Variants in MED1 observed in about 807,000 individuals in gnomAD.
MED1 encodes the protein mediator complex subunit 1, also known as mediator of RNA polymerase II transcription subunit 1.
MED1 carries 17 observed loss-of-function variants against 121.3 expected under a neutral mutation model. The observed-to-expected ratio is 0.14, with a 90% CI of 0.10 to 0.21. MED1 has a LOEUF of 0.21. Ranked by LOEUF, MED1 falls within the 10% of genes least tolerant of loss-of-function variation. MED1 has a pLI of 1.00. For missense variants in MED1, 1,558 were observed against 1,919.4 expected, an observed-to-expected ratio of 0.81 and a Z score of 3.52; for synonymous variants, 661 against 694.4, an observed-to-expected ratio of 0.95 and a Z score of 0.76.
At position 39,407,351 on chromosome 17, in the gene MED1, G is replaced by T; in HGVS notation, c.*124C>A. The T allele has an allele frequency of 2.1e-6, 3 of 1,430,982 alleles. No homozygotes were observed. The highest frequency in any genetic ancestry group is 2.7e-6 in the Non-Finnish European group (3 of 1,096,106). The allele number at this position is 1,430,982 out of a possible 1,614,324, so 88.6% of individuals were successfully genotyped here. A position where few individuals can be genotyped will look rare whatever the true frequency, so the allele number is the denominator to read the frequency against. ...CTAATTCACCCAGCTTGATGTCAAA[G>T]CCATGCCATTTAGGATTCTTAACCA... On this transcript the variant is annotated 3_prime_UTR_variant, in exon 17 of 17. Transcript: ENST00000300651.
intron 14 of MED1, among the ~76,000 whole-genome samples, chr17:39,419,443 T>C (rs1472975611): frequency 2.0e-5 from 3 of 151,266 alleles, no homozygotes; most frequent in Non-Finnish European, 4.4e-5. Flanking sequence ...AGTCTTGCTC[T>C]GTCACCCAGG....
Position 39,405,251 on chromosome 17 carries a change from C to T in MED1, c.*2224G>A. ...GATGCTGGGTCAGTGTGGGGGTGAG[C>T]CCATCGACAATTCAGGGGCTTATCC... is the stretch of plus-strand genomic sequence containing the variant. On this transcript the variant is annotated 3_prime_UTR_variant, in exon 17 of 17. Transcript: ENST00000300651. 1 of 1,599,006 alleles carries T rather than the reference C, an allele frequency of 6.3e-7. No individual in the cohort carries two copies. Among genetic ancestry groups the T allele is most frequent in the Non-Finnish European group, 8.5e-7 (1 of 1,173,110 alleles).
chr17:39,427,689 T>TTA lies in MED1; in HGVS notation c.739+10_739+11dup, dbSNP rs1314980108. On this transcript the variant is annotated intron_variant, in intron 10 of 16. Transcript: ENST00000300651. ...AACAAAACCTTTAATTCCTTTACAA[T>TTA]TAAAGTCTTACCATTATTCTCATGC... The TTA allele has an allele frequency of 1.3e-6, 2 of 1,561,358 alleles. No homozygotes were observed. The highest frequency in any genetic ancestry group is 8.8e-7 in the Non-Finnish European group (1 of 1,136,674).
intron 14 of MED1, among the ~76,000 whole-genome samples, 179 bp from the exon 15 acceptor site, chr17:39,415,518 T>TA (rs914058348): frequency 2.0e-5 from 3 of 149,556 alleles, no homozygotes; most frequent in Admixed American, 2.0e-4. Flanking sequence ...CACTAAAAAA[T>TA]AAAAAAAAGA....
At chr17:39,426,831 G>A (rs1350775038) in intron 10 of MED1, among the ~76,000 whole-genome samples, 1 of 152,038 alleles carries the variant, frequency 6.6e-6, no homozygotes, top group East Asian at 1.9e-4. Flanking sequence ...ACCGCGCCCG[G>A]CAGTCTATCT....
chr17:39,428,018 A>G (rs1315828715), intron 9 of MED1, among the ~76,000 whole-genome samples: 1 of 151,960 alleles, frequency 6.6e-6, no homozygotes, highest in Non-Finnish European at 1.5e-5. Context: ...GGAGTTTGAG[A>G]CTAGCATGGT....
intron 13 of MED1, among the ~76,000 whole-genome samples, chr17:39,420,773 G>C (rs1324436136): frequency 1.4e-5 from 2 of 147,170 alleles, no homozygotes; most frequent in African/African-American, 5.0e-5. Context: ...CTACAGGCAT[G>C]AACAACCACA....
rs1232184228 is a variant in MED1, at chr17:39,414,465, A to C, written c.1499+561T>G. 4.7e-5 allele frequency among the ~76,000 whole-genome samples: 7 copies of C among 150,134 alleles called. No homozygotes were observed. The Admixed American group carries it at 4.7e-4, about 10-fold the overall frequency. On this transcript the variant is annotated intron_variant, in intron 16 of 16. Transcript: ENST00000300651. ...ATTCTCCTGCCTCAGCCTCCCTAGT[A>C]GCTGGGACTACAGGCGCCCGCCACC...
At chr17:39,434,423 A>G in intron 6 of MED1, 103 bp from the exon 7 acceptor site, 1 of 561,586 alleles carries the variant, frequency 1.8e-6, no homozygotes, top group South Asian at 2.9e-5. Context: ...TATAAAACTG[A>G]TTTTAATAAT....
chr17:39,432,207 G>A (rs1039964242), intron 7 of MED1, among the ~76,000 whole-genome samples, 191 bp from the exon 8 acceptor site: 1 of 151,726 alleles, frequency 6.6e-6, no homozygotes, highest in African/African-American at 2.4e-5. Flanking sequence ...GCCGAGCGTG[G>A]TGGCAGGCAC....
intron 14 of MED1, 81 bp from the exon 15 acceptor site, chr17:39,415,420 T>A: frequency 7.9e-7 from 1 of 1,270,246 alleles, no homozygotes; most frequent in Admixed American, 2.1e-5. Flanking sequence ...ACGCCTGTAA[T>A]CCCAGCAGTT....
rs763005314 is a variant in MED1 at position 39,408,657 on chromosome 17, T to C, written c.3564A>G (p.Lys1188=). ...PSSLMNPSLS[K]PNISPSHSRP... Reference sequence around the variant, plus strand: ...TTGAATGAGAAGGGGATATGTTTGGTTTACTTAAAGAAGGATTCATAAGTG... The same window carrying C: ...TTGAATGAGAAGGGGATATGTTTGGCTTACTTAAAGAAGGATTCATAAGTG... The change falls in exon 17 of 17, where the codon AAA becomes AAG. Residue 1188 remains lysine, a synonymous_variant. Transcript: ENST00000300651. The surrounding 1 kb of genome is among the most constrained non-coding windows in gnomAD (Gnocchi z 4.7). 6.2e-7 allele frequency: 1 copy of C among 1,614,122 alleles called. No individual in the cohort carries two copies. The highest frequency in any genetic ancestry group is 8.5e-7 in the Non-Finnish European group (1 of 1,180,010).
chr17:39,431,379 G>A (rs1347364584), intron 8 of MED1, 191 bp from the exon 9 acceptor site: 1 of 447,194 alleles, frequency 2.2e-6, no homozygotes, highest in African/African-American at 2.0e-5. Flanking sequence ...CCAGGTTCCA[G>A]TGATTCTCCT....
At position 39,408,710 on chromosome 17, in the gene MED1, T is replaced by C; in HGVS notation, c.3511A>G (p.Lys1171Glu). The part of the protein sequence containing the change: ...HGLSSGSSST[K>E]MKPQGKPSSL... Reference sequence around the variant, plus strand: ...GATGGCTTTCCTTGAGGTTTCATCTTGGTGCTGCTAGAGCCACTGCTCAGT... The same window carrying C: ...GATGGCTTTCCTTGAGGTTTCATCTCGGTGCTGCTAGAGCCACTGCTCAGT... The change falls in exon 17 of 17, where the codon AAG becomes GAG. Residue 1171 changes from lysine to glutamate, a missense_variant. Transcript: ENST00000300651. This position sits in a 1 kb window ranked among gnomAD's most constrained non-coding sequence, Gnocchi z 4.7. The C allele has an allele frequency of 5.0e-6, 8 of 1,614,224 alleles. No individual in the cohort carries two copies. Among genetic ancestry groups the C allele is most frequent in the Non-Finnish European group, 6.8e-6 (8 of 1,180,034 alleles).
chr17:39,423,249 A>G (rs1056862965), intron 13 of MED1, 78 bp downstream of exon 13: 122 of 1,071,696 alleles, frequency 1.1e-4, no homozygotes, highest in Non-Finnish European at 1.6e-4. Flanking sequence ...TCTGACCTCA[A>G]TAATGCTATA....
In MED1 at chr17:39,447,826, T is replaced by C. The variant is rs2048742831; in HGVS notation, c.104A>G (p.Glu35Gly). The change falls in exon 2 of 17, where the codon GAA becomes GGA. Residue 35 changes from glutamate (E) to glycine (G), a missense_variant. Transcript: ENST00000300651. Reference sequence around the variant, plus strand: ...GACTTGACGCACAAGCTTAATGGTTTCACTCCAGGGTCTATTTTGGTTAAA... The same window carrying C: ...GACTTGACGCACAAGCTTAATGGTTCCACTCCAGGGTCTATTTTGGTTAAA... ...AKFNQNRPWS[E>G]TIKLVRQVME... The C allele has an allele frequency of 6.2e-7, 1 of 1,613,534 alleles. No individual in the cohort carries two copies. Among genetic ancestry groups the C allele is most frequent in the Non-Finnish European group, 8.5e-7 (1 of 1,179,676 alleles).
At chr17:39,427,939 A>C in intron 9 of MED1, 149 bp from the exon 10 acceptor site, 1 of 561,726 alleles carries the variant, frequency 1.8e-6, no homozygotes, top group Non-Finnish European at 3.1e-6. Context: ...GAAATATGGC[A>C]GGTGTGGTGA....
intron 7 of MED1, among the ~76,000 whole-genome samples, chr17:39,432,955 C>G (rs2048581134): frequency 6.6e-6 from 1 of 151,992 alleles, no homozygotes; most frequent in Non-Finnish European, 1.5e-5. Flanking sequence ...CGCCTATAAT[C>G]CAAGCACTCT....
At chr17:39,444,505 CA>C (rs541935185) in intron 2 of MED1, among the ~76,000 whole-genome samples, 162 of 127,664 alleles carry the variant, frequency 1.3e-3, no homozygotes, top group Middle Eastern at 8.1e-3. Flanking sequence ...GACTCTGTCT[CA>C]AAAAAAAAAA....
Sources: gnomAD v4.1 joint callset for allele counts (sites outside exome capture counted in the v4.1 genomes callset) on GRCh38, gnomAD v4.1.1 for gene constraint, Gnocchi (gnomAD v3.1) non-coding constraint, MANE v1.5 for transcripts, NCBI Gene and HGNC (gene_info 2026-07-23, HGNC 2026-07-21) for gene names.